The following CLCA1 variants were observed in gnomAD, a reference collection of about 807,000 sequenced individuals.
CLCA1 encodes chloride channel accessory 1, also known as calcium-activated chloride channel regulator 1.
CLCA1 carries 59 observed loss-of-function variants against 85.6 expected under a neutral mutation model. The ratio of observed to expected loss-of-function variants is 0.69; its 90% CI spans 0.56 to 0.86. The LOEUF (loss-of-function observed/expected upper bound fraction) is 0.86. Among genes scored for constraint, CLCA1 ranks in the 40% least tolerant of loss-of-function variants. The pLI is 0.00. For missense variants in CLCA1, 1,022 were observed against 1,101.4 expected (o/e 0.93, Z 1.02); for synonymous variants, 396 against 398.3 (o/e 0.99, Z 0.07).
chr1:86,470,155 G>T (rs183241586), intron 1 of CLCA1, among the ~76,000 whole-genome samples: 1 of 152,296 alleles, frequency 6.6e-6, no homozygotes. Flanking sequence ...GAGATCCACT[G>T]CTCTAAGCAG....
chr1:86,475,600 T>C lies in CLCA1; in HGVS notation c.452-848T>C, dbSNP rs142526302. On this transcript the variant is annotated intron_variant, in intron 3 of 13. Transcript: ENST00000394711. ...AAATGCAAACGCGGAGTACTGGGCC[T>C]AAGATGAGGATTTCAGGGCAGGCTT... 1.2e-4 allele frequency among the ~76,000 whole-genome samples: 18 copies of C among 152,242 alleles called. No individual in the cohort carries two copies. In the East Asian group the frequency reaches 3.5e-3, roughly 29 times the overall value.
chr1:86,481,475 T>C (rs571297931), intron 4 of CLCA1, among the ~76,000 whole-genome samples: 160 of 152,094 alleles, frequency 1.1e-3, no homozygotes, highest in African/African-American at 3.7e-3. Flanking sequence ...TATTAAAAAA[T>C]TAAATATGCT....
intron 4 of CLCA1, among the ~76,000 whole-genome samples, chr1:86,477,886 C>A (rs987234260): frequency 2.0e-5 from 3 of 152,248 alleles, no homozygotes; most frequent in Non-Finnish European, 2.9e-5. Context: ...ACAACACCCT[C>A]TCCATGTCTG....
chr1:86,480,774 G>A (rs1156720319), intron 4 of CLCA1, among the ~76,000 whole-genome samples: 1 of 152,224 alleles, frequency 6.6e-6, no homozygotes, highest in Non-Finnish European at 1.5e-5. Context: ...AGCTCTCACA[G>A]ATGGTTGTTA....
chr1:86,473,577 C>A lies in CLCA1; in HGVS notation c.303+20C>A. 1 of 1,565,444 alleles carries A rather than the reference C, an allele frequency of 6.4e-7. No homozygotes were observed. Among genetic ancestry groups the A allele is most frequent in the Non-Finnish European group, 8.7e-7 (1 of 1,151,714 alleles). On this transcript the variant is annotated intron_variant, in intron 2 of 13. Coordinates refer to ENST00000394711, the MANE Select transcript of CLCA1 (RefSeq NM_001285.4). ...AAAAATGTGAGAATATCAAGTTCTTCTTTAAAATTCCACTTTCTCCTGTAA... is the reference window on the plus strand; with the variant it reads ...AAAAATGTGAGAATATCAAGTTCTTATTTAAAATTCCACTTTCTCCTGTAA...
intron 9 of CLCA1, 85 bp from the exon 10 acceptor site, chr1:86,493,299 G>T: frequency 9.8e-7 from 1 of 1,017,130 alleles, no homozygotes; most frequent in South Asian, 1.4e-5. Context: ...TTTTAATGGC[G>T]CACTGGGGAG....
chr1:86,469,178 T>C, intron 1 of CLCA1, 45 bp downstream of exon 1: 1 of 1,440,660 alleles, frequency 6.9e-7, no homozygotes, highest in Non-Finnish European at 9.5e-7. Flanking sequence ...AATAGCATAA[T>C]GTTGTGATAG....
intron 9 of CLCA1, among the ~76,000 whole-genome samples, chr1:86,492,657 C>T (rs927384271): frequency 1.3e-5 from 2 of 152,170 alleles, no homozygotes; most frequent in African/African-American, 2.4e-5. Context: ...TCTAAAAAAG[C>T]CTTGTTAATC....
At chr1:86,487,527 G>C (rs1283560904) in intron 7 of CLCA1, among the ~76,000 whole-genome samples, 1 of 152,174 alleles carries the variant, frequency 6.6e-6, no homozygotes, top group South Asian at 2.1e-4. Context: ...TGAGGCAAAG[G>C]ACCTTGGATC....
intron 1 of CLCA1, among the ~76,000 whole-genome samples, chr1:86,471,596 ATACTC>A (rs1423334497): frequency 4.6e-5 from 7 of 152,324 alleles, no homozygotes; most frequent in Middle Eastern, 3.4e-3. Context: ...TGGTAAAACA[ATACTC>A]TAATATATGA....
chr1:86,482,404 C>T (rs747253356), intron 5 of CLCA1, 22 bp downstream of exon 5: 3 of 1,601,674 alleles, frequency 1.9e-6, no homozygotes, highest in Non-Finnish European at 1.7e-6. Context: ...GTTCTCACCC[C>T]CTCCCCCAGA....
Position 86,497,129 on chromosome 1 carries a change from A to T in CLCA1, c.2114-1443A>T, listed in dbSNP as rs5744422. Among the ~76,000 whole-genome samples the T allele has an allele frequency of 6.2e-3, 938 of 152,318 alleles. 9 individuals carry two copies. The highest frequency in any genetic ancestry group is 0.021 in the African/African-American group (875 of 41,568). On this transcript the variant is annotated intron_variant, in intron 12 of 13. Transcript: ENST00000394711. ...CATTTTACTTACAGTAATATATTTC[A>T]TTCTTGTAAGTATCCCTTTTTAAAG...
At chr1:86,489,219 T>G in intron 8 of CLCA1, 49 bp downstream of exon 8, 1 of 1,537,020 alleles carries the variant, frequency 6.5e-7, no homozygotes, top group South Asian at 1.2e-5. Flanking sequence ...CCTACTGGAC[T>G]GTGAGCTCCA....
intron 4 of CLCA1, among the ~76,000 whole-genome samples, chr1:86,479,937 A>G (rs1315983340): frequency 6.6e-6 from 1 of 152,172 alleles, no homozygotes; most frequent in Non-Finnish European, 1.5e-5. Context: ...TACACATATG[A>G]TAATTTAGTT....
rs747868283 is a variant in CLCA1, at chr1:86,473,798, T to C, written c.373T>C (p.Cys125Arg). The C allele has an allele frequency of 6.2e-7, 1 of 1,613,164 alleles. No individual in the cohort carries two copies. Among genetic ancestry groups the C allele is most frequent in the South Asian group, 1.1e-5 (1 of 90,964 alleles). Residue 125 changes from cysteine to arginine, a missense_variant, in exon 3 of 14, where the codon TGT (cysteine) becomes CGT (arginine). By Grantham distance (180) the Cys-to-Arg change is radical (BLOSUM62 -3). Coordinates refer to ENST00000394711, the MANE Select transcript of CLCA1 (RefSeq NM_001285.4). ...ACCCTACACTGAGCAGATGGGCAAC[T>C]GTGGAGAGAAGGGTGAAAGGATCCA... The part of the protein sequence containing the change: ...DEPYTEQMGN[C>R]GEKGERIHLT...
chr1:86,495,451 TATACAA>T, intron 11 of CLCA1, 48 bp from the exon 12 acceptor site: 2 of 1,429,448 alleles, frequency 1.4e-6, no homozygotes, highest in South Asian at 2.5e-5. Flanking sequence ...GAGTTGGAAA[TATACAA>T]ATACCCTCCC....
chr1:86,480,232 A>G (rs1647781422), intron 4 of CLCA1, among the ~76,000 whole-genome samples: 1 of 152,256 alleles, frequency 6.6e-6, no homozygotes, highest in South Asian at 2.1e-4. Flanking sequence ...CCAAACATAA[A>G]CTAAATAAAA....
chr1:86,485,955 G>T (rs755049530), intron 6 of CLCA1, among the ~76,000 whole-genome samples: 11 of 151,914 alleles, frequency 7.2e-5, no homozygotes, highest in Non-Finnish European at 1.3e-4. Context: ...CACGGCTGGG[G>T]AGGCCTCAGG....
chr1:86,486,528 T>C lies in CLCA1; in HGVS notation c.957T>C (p.Thr319=), dbSNP rs1405145361. ...LVLDKSGSMA[T]GNRLNRLNQA... ...TTTTCTTTTGCTTCTCCATTTAGAC[T>C]GGTAACCGCCTCAATCGACTGAATC... Residue 319 remains threonine, a splice_region_variant and synonymous_variant, in exon 7 of 14, where the codon ACT becomes ACC. Coordinates refer to ENST00000394711, the MANE Select transcript of CLCA1 (RefSeq NM_001285.4). 1 of 1,614,034 alleles carries C rather than the reference T, an allele frequency of 6.2e-7. No individual in the cohort carries two copies. The highest frequency in any genetic ancestry group is 1.7e-5 in the Admixed American group (1 of 60,014).
Sources: gnomAD v4.1 joint callset for allele counts (sites outside exome capture counted in the v4.1 genomes callset) on GRCh38, gnomAD v4.1.1 for gene constraint, MANE v1.5 for transcripts, NCBI Gene and HGNC (gene_info 2026-07-23, HGNC 2026-07-21) for gene names.